Variants in SCIN observed in about 807,000 individuals in gnomAD.
SCIN encodes the protein adseverin.
A neutral mutation model predicts 91.8 loss-of-function variants in SCIN; 91 were observed. The ratio of observed to expected loss-of-function variants is 0.99; its 90% confidence interval spans 0.84 to 1.18. The LOEUF is 1.18. Ranked by LOEUF, SCIN falls within the 50% of genes most tolerant of loss-of-function variation. The pLI, the probability that SCIN is intolerant of heterozygous loss-of-function variation, is 0.00. For missense variants in SCIN, 1,087 were observed against 863.9 expected, an observed-to-expected ratio of 1.26 and a Z score of -3.24; for synonymous variants, 367 against 312.6, an observed-to-expected ratio of 1.17 and a Z score of -1.84.
chr7:12,586,826 G>A (rs139278216), intron 3 of SCIN, among the ~76,000 whole-genome samples: 6 of 152,224 alleles, frequency 3.9e-5, no homozygotes, highest in East Asian at 1.9e-4. Context: ...CAAGTCATGC[G>A]CAGAAAGATA....
chr7:12,635,159 ACT>A (rs1314391308), intron 9 of SCIN, among the ~76,000 whole-genome samples: 2 of 151,140 alleles, frequency 1.3e-5, no homozygotes, highest in Non-Finnish European at 2.9e-5. Context: ...GATGAGTGAG[ACT>A]CTGTCTCAAA....
chr7:12,574,828 C>T (rs73291373), intron 1 of SCIN, among the ~76,000 whole-genome samples: 1,644 of 152,116 alleles, frequency 0.011, 20 homozygotes, highest in East Asian at 0.03. Context: ...CCAGGGCCTG[C>T]GCCTCACTAT....
intron 3 of SCIN, among the ~76,000 whole-genome samples, chr7:12,594,908 T>A (rs1039470471): frequency 6.6e-6 from 1 of 151,934 alleles, no homozygotes; most frequent in African/African-American, 2.4e-5. Context: ...TAGGCAAAAG[T>A]CTCTCTTACT....
intron 4 of SCIN, among the ~76,000 whole-genome samples, chr7:12,607,648 C>T (rs1783105588): frequency 6.6e-6 from 1 of 152,132 alleles, no homozygotes; most frequent in Admixed American, 6.6e-5. Context: ...CATTCAGTGT[C>T]TATACTACAT....
At chr7:12,603,288 G>T (rs1213706219) in intron 3 of SCIN, among the ~76,000 whole-genome samples, 1 of 151,822 alleles carries the variant, frequency 6.6e-6, no homozygotes, top group Non-Finnish European at 1.5e-5. Flanking sequence ...GGGACTACAG[G>T]TGCCCGCCAC....
intron 1 of SCIN, among the ~76,000 whole-genome samples, chr7:12,575,371 G>A (rs1193303936): frequency 6.6e-6 from 1 of 151,240 alleles, no homozygotes; most frequent in African/African-American, 2.4e-5. Flanking sequence ...TATTGCAGTG[G>A]TTAGAACTTG....
rs1384638331 is a variant in SCIN, at chr7:12,653,700, C to T, written c.*985C>T. The T allele has an allele frequency of 6.6e-6, 1 of 152,100 alleles. No homozygotes were observed. Among genetic ancestry groups the T allele is most frequent in the Non-Finnish European group, 1.5e-5 (1 of 68,022 alleles). 9.4% of individuals were successfully genotyped at this position (152,100 alleles called of 1,614,324 possible). ...ATCACAGGAGATCAAAAAGACAATG[C>T]ACAGGGGAGTATCCCAGGGAGCAGA... On this transcript the variant is annotated 3_prime_UTR_variant, in exon 16 of 16. Transcript: ENST00000297029. This position sits in a 1 kb window ranked among gnomAD's most constrained non-coding sequence, Gnocchi z 4.1.
At position 12,658,758 on chromosome 7, in the gene SCIN, T is replaced by C. The variant is rs191714034; in HGVS notation, c.*6043T>C. 1 of 152,258 alleles carries C rather than the reference T, an allele frequency of 6.6e-6. No homozygotes were observed. The highest frequency in any genetic ancestry group is 1.5e-5 in the Non-Finnish European group (1 of 67,998). 9.4% of individuals were successfully genotyped at this position (152,258 alleles called of 1,614,324 possible). On this transcript the variant is annotated 3_prime_UTR_variant, in exon 16 of 16. Transcript: ENST00000297029. ...CCTCAAGGTATTAATATACATCCTA[T>C]CATTTATTTTAGATACAGATAGCAT...
At chr7:12,622,983 T>A in intron 5 of SCIN, 90 bp downstream of exon 5, 1 of 808,016 alleles carries the variant, frequency 1.2e-6, no homozygotes, top group Non-Finnish European at 2.0e-6. Flanking sequence ...TTGCTGCAGT[T>A]GAGAACTCTC....
intron 3 of SCIN, among the ~76,000 whole-genome samples, chr7:12,597,337 T>C (rs1428334337): frequency 6.6e-6 from 1 of 152,186 alleles, no homozygotes; most frequent in Non-Finnish European, 1.5e-5. Context: ...ACAAAGCCAA[T>C]AGATGCCAGG....
Position 12,626,583 on chromosome 7 carries a change from G to T in SCIN, c.982-1G>T. ...ACTATTATTATTATTTTAAATTTCA[G>T]ATTCAAGTTCTTCCAGAAGGAGGTG... On this transcript the variant is annotated splice_acceptor_variant, in intron 7 of 15. Transcript: ENST00000297029. LOFTEE classifies it high-confidence loss of function. 1.3e-6 allele frequency: 2 copies of T among 1,532,866 alleles called. No individual in the cohort carries two copies. The highest frequency in any genetic ancestry group is 1.8e-6 in the Non-Finnish European group (2 of 1,134,458). The allele number at this position is 1,532,866 out of a possible 1,614,324, so 95.0% of individuals were successfully genotyped here.
chr7:12,644,662 C>T lies in SCIN; in HGVS notation c.1838C>T (p.Pro613Leu). The change falls in exon 13 of 16, where the codon CCA becomes CTA. Residue 613 changes from proline (P) to leucine (L), a missense_variant. Coordinates refer to ENST00000297029, the MANE Select transcript of SCIN (RefSeq NM_001112706.3). ...PLLETQAEDH[P>L]PRLYGCSNKT... ...CTGGAAACCCAGGCTGAAGACCATC[C>T]ACCTCGGCTTTACGGCTGCTCTAAC... 1 of 1,595,506 alleles carries T rather than the reference C, an allele frequency of 6.3e-7. No individual in the cohort carries two copies. Among genetic ancestry groups the T allele is most frequent in the Non-Finnish European group, 8.5e-7 (1 of 1,170,458 alleles).
intron 4 of SCIN, among the ~76,000 whole-genome samples, chr7:12,606,157 G>T (rs1783076914): frequency 6.6e-6 from 1 of 152,174 alleles, no homozygotes; most frequent in African/African-American, 2.4e-5. Flanking sequence ...TGCACCAGTT[G>T]CTACTTCCTT....
intron 3 of SCIN, among the ~76,000 whole-genome samples, chr7:12,588,526 A>T (rs1052715419): frequency 6.6e-6 from 1 of 152,072 alleles, no homozygotes; most frequent in Non-Finnish European, 1.5e-5. Flanking sequence ...GCTTCACCAC[A>T]GTCAAAGGAG....
At chr7:12,637,293 G>A (rs757254960) in intron 10 of SCIN, among the ~76,000 whole-genome samples, 5 of 152,150 alleles carry the variant, frequency 3.3e-5, no homozygotes, top group Non-Finnish European at 5.9e-5. Flanking sequence ...CTCTCAAATC[G>A]TAAACATGCG....
chr7:12,640,329 C>A lies in SCIN; in HGVS notation c.1411-18C>A. The stretch of plus-strand genomic sequence containing the variant: ...CACTCTTAATTATATTTCTTTTATT[C>A]CCCCTCTCCCCCATCAGATCCGAGT... On this transcript the variant is annotated intron_variant, in intron 10 of 15. Coordinates refer to ENST00000297029, the MANE Select transcript of SCIN (RefSeq NM_001112706.3). The A allele has an allele frequency of 6.5e-7, 1 of 1,535,806 alleles. No homozygotes were observed.
In SCIN at chr7:12,626,694, A is replaced by C. The variant is rs562412058; in HGVS notation, c.1092A>C (p.Lys364Asn). The change falls in exon 8 of 16, where the codon AAA becomes AAC. Residue 364 changes from lysine to asparagine, a missense_variant. By Grantham distance (94) the Lys-to-Asn change is moderately conservative (BLOSUM62 0). Coordinates refer to ENST00000297029, the MANE Select transcript of SCIN (RefSeq NM_001112706.3). ...DGFGKVYVTE[K>N]VAQIKQIPFD... ...TCGGGAAAGTTTATGTCACAGAGAA[A>C]GTGGCTCAAATAAAACAAATTCCCT... 6.3e-7 allele frequency: 1 copy of C among 1,591,054 alleles called. No individual in the cohort carries two copies.
intron 10 of SCIN, among the ~76,000 whole-genome samples, chr7:12,637,109 A>G (rs569699455): frequency 6.6e-5 from 10 of 152,196 alleles, no homozygotes; most frequent in South Asian, 6.2e-4. Flanking sequence ...TAGCCCCATA[A>G]CTCATTTCAG....
intron 3 of SCIN, among the ~76,000 whole-genome samples, chr7:12,602,693 C>T (rs1782983574): frequency 6.6e-6 from 1 of 152,162 alleles, no homozygotes; most frequent in African/African-American, 2.4e-5. Context: ...TTTATAGACT[C>T]TCTGCAGGAA....
Sources: allele counts gnomAD v4.1 joint callset (sites outside exome capture counted in the v4.1 genomes callset), GRCh38; gene constraint gnomAD v4.1.1; non-coding constraint Gnocchi (gnomAD v3.1); transcripts MANE v1.5; gene names NCBI Gene and HGNC (gene_info 2026-07-23, HGNC 2026-07-21).